The following TRIO variants were observed in gnomAD, a reference collection of about 807,000 sequenced individuals.
The protein encoded by TRIO is trio Rho guanine nucleotide exchange factor.
Under a neutral mutation model 351.9 loss-of-function variants are expected in TRIO, and 58 were observed. The ratio of observed to expected loss-of-function variants is 0.16; its 90% CI spans 0.13 to 0.21. The LOEUF (loss-of-function observed/expected upper bound fraction) is 0.21, where lower values mean the gene tolerates loss of function less well. Ranked by LOEUF, TRIO falls within the 10% of genes least tolerant of loss-of-function variation. The probability of loss-of-function intolerance (pLI) is 1.00; values close to 1 mark genes in which losing one functional copy is unlikely to be tolerated. For missense variants in TRIO, 3,201 were observed against 4,027.8 expected (o/e 0.79, Z 5.56); for synonymous variants, 1,758 against 1,595.7 (o/e 1.10, Z -2.42).
intron 10 of TRIO, among the ~76,000 whole-genome samples, chr5:14,332,742 C>T (rs753701632): frequency 1.5e-4 from 23 of 152,174 alleles, no homozygotes; most frequent in Non-Finnish European, 3.2e-4. Context: ...GATTGCAAGA[C>T]AGTGGAAAAC....
At chr5:14,183,844 G>A in intron 1 of TRIO, 1 of 654,142 alleles carries the variant, frequency 1.5e-6, no homozygotes, top group Non-Finnish European at 2.8e-6. Flanking sequence ...GGATCCTGAG[G>A]GACACTGCCA....
intron 7 of TRIO, among the ~76,000 whole-genome samples, chr5:14,301,906 G>A (rs1252017944): frequency 6.6e-6 from 1 of 152,108 alleles, no homozygotes; most frequent in Non-Finnish European, 1.5e-5. Flanking sequence ...GAAAAATGAT[G>A]CTGTGCAAAA....
chr5:14,351,762 C>T (rs530349734), intron 11 of TRIO, among the ~76,000 whole-genome samples: 40 of 152,352 alleles, frequency 2.6e-4, no homozygotes, highest in African/African-American at 3.4e-4. Flanking sequence ...CACCTCCAGA[C>T]GGACACCGAT....
At chr5:14,182,379 T>C (rs950788114) in intron 1 of TRIO, among the ~76,000 whole-genome samples, 2 of 152,270 alleles carry the variant, frequency 1.3e-5, no homozygotes, top group Admixed American at 1.3e-4. Flanking sequence ...TAGAGATGCT[T>C]CTACCTTGGG....
chr5:14,437,087 C>T (rs1299889514), intron 34 of TRIO, among the ~76,000 whole-genome samples: 3 of 152,214 alleles, frequency 2.0e-5, no homozygotes, highest in East Asian at 1.9e-4. Context: ...TCATTTGTAA[C>T]CTCTTTCTTT....
rs555990166 is a variant in TRIO, at chr5:14,221,777, C to T, written c.158-49048C>T. On this transcript the variant is annotated intron_variant, in intron 1 of 56. Coordinates refer to ENST00000344204, the MANE Select transcript of TRIO (RefSeq NM_007118.4). ...AAGTGGTTTTTTGAGATGGAATCTACACTTGGTGAAGATGCTGTGAACTTG... is the reference window on the plus strand; with the variant it reads ...AAGTGGTTTTTTGAGATGGAATCTATACTTGGTGAAGATGCTGTGAACTTG... Among the ~76,000 whole-genome samples, 3 of 152,326 alleles carry T rather than the reference C, an allele frequency of 2.0e-5. No individual in the cohort carries two copies. The South Asian group carries it at 6.2e-4, about 32-fold the overall frequency.
In TRIO at chr5:14,455,259, A is replaced by C. The variant is rs183553259; in HGVS notation, c.5204-5760A>C. 1.9e-3 allele frequency among the ~76,000 whole-genome samples: 290 copies of C among 152,304 alleles called. 5 individuals carry two copies. Among genetic ancestry groups the C allele is most frequent in the Admixed American group, 0.016 (252 of 15,308 alleles). ...TCCTGCTGATTGGTCCATTTTGCAG[A>C]GAGCCGATTCGCCGATTTTACAGAG... On this transcript the variant is annotated intron_variant, in intron 34 of 56. Coordinates refer to ENST00000344204, the MANE Select transcript of TRIO (RefSeq NM_007118.4).
Position 14,358,170 on chromosome 5 carries a change from T to G in TRIO, c.2047-8T>G, listed in dbSNP as rs771981224. On this transcript the variant is annotated splice_region_variant and splice_polypyrimidine_tract_variant and intron_variant, in intron 11 of 56. Transcript: ENST00000344204. Reference sequence around the variant, plus strand: ...CGGCCGGCCTCACCCCCCTCTCCCCTTCCCCAGCTGTGGACGTGGCTGGAG... The same window carrying G: ...CGGCCGGCCTCACCCCCCTCTCCCCGTCCCCAGCTGTGGACGTGGCTGGAG... 1 of 1,608,998 alleles carries G rather than the reference T, an allele frequency of 6.2e-7. No individual in the cohort carries two copies. Among genetic ancestry groups the G allele is most frequent in the South Asian group, 1.1e-5 (1 of 90,840 alleles).
intron 13 of TRIO, among the ~76,000 whole-genome samples, chr5:14,360,484 G>T (rs1744049519): frequency 6.6e-6 from 1 of 152,190 alleles, no homozygotes; most frequent in Non-Finnish European, 1.5e-5. Flanking sequence ...ACATACCTCT[G>T]GGCTGCCCTG....
chr5:14,430,053 C>T (rs1463052002), intron 34 of TRIO, among the ~76,000 whole-genome samples: 3 of 151,826 alleles, frequency 2.0e-5, no homozygotes, highest in African/African-American at 7.3e-5. Context: ...CGGGAGATAC[C>T]CTCACATGTG....
chr5:14,472,542 A>T lies in TRIO; in HGVS notation c.5913-50A>T, dbSNP rs192595480. 4.4e-6 allele frequency: 7 copies of T among 1,605,540 alleles called. No individual in the cohort carries two copies. In the African/African-American group the frequency reaches 9.3e-5, roughly 21 times the overall value. Reference sequence around the variant, plus strand: ...TTGACCAGGAGCAAAGGTACAAAAAAATTCATTTAGAAAACAGTTTGCATG... The same window carrying T: ...TTGACCAGGAGCAAAGGTACAAAAATATTCATTTAGAAAACAGTTTGCATG... On this transcript the variant is annotated intron_variant, in intron 38 of 56. Coordinates refer to ENST00000344204, the MANE Select transcript of TRIO (RefSeq NM_007118.4).
At chr5:14,223,727 T>G (rs1327685572) in intron 1 of TRIO, among the ~76,000 whole-genome samples, 2 of 152,198 alleles carry the variant, frequency 1.3e-5, no homozygotes, top group African/African-American at 4.8e-5. Flanking sequence ...AACAGGCACT[T>G]TGTTTTTCAT....
At chr5:14,487,166 C>T (rs1755976159) in intron 47 of TRIO, among the ~76,000 whole-genome samples, 2 of 152,156 alleles carry the variant, frequency 1.3e-5, no homozygotes, top group African/African-American at 4.8e-5. Flanking sequence ...TTGCGGAAGC[C>T]AGTTGGTAGC....
intron 24 of TRIO, 152 bp downstream of exon 24, chr5:14,388,831 A>G: frequency 1.1e-6 from 1 of 889,112 alleles, no homozygotes; most frequent in Non-Finnish European, 1.7e-6. Flanking sequence ...AGCCGGTTTC[A>G]TGTTTCTGCA....
chr5:14,486,303 A>G (rs776981043), intron 47 of TRIO, among the ~76,000 whole-genome samples: 2 of 152,164 alleles, frequency 1.3e-5, no homozygotes, highest in African/African-American at 2.4e-5. Context: ...TGTCACAAGA[A>G]AGCCACCTCT....
At chr5:14,146,461 A>G (rs1787530177) in intron 1 of TRIO, among the ~76,000 whole-genome samples, 1 of 152,044 alleles carries the variant, frequency 6.6e-6, no homozygotes, top group Non-Finnish European at 1.5e-5. Flanking sequence ...TCTTTTTTTT[A>G]AATTCGTTCT....
intron 18 of TRIO, among the ~76,000 whole-genome samples, chr5:14,371,047 T>C (rs2152345633): frequency 6.6e-6 from 1 of 152,360 alleles, no homozygotes; most frequent in East Asian, 1.9e-4. Context: ...ACCATTGATT[T>C]TCACTTTCAG....
chr5:14,255,251 C>T (rs562281202), intron 1 of TRIO, among the ~76,000 whole-genome samples: 18 of 152,228 alleles, frequency 1.2e-4, no homozygotes, highest in Admixed American at 4.6e-4. Context: ...TGGGAAAGTG[C>T]GTAAACGGTA....
chr5:14,272,216 A>C (rs2152270589), intron 2 of TRIO, among the ~76,000 whole-genome samples: 1 of 152,368 alleles, frequency 6.6e-6, no homozygotes, highest in East Asian at 1.9e-4. Flanking sequence ...ACTTATAAAA[A>C]TTAGAGGTAT....
Sources: allele counts gnomAD v4.1 joint callset (sites outside exome capture counted in the v4.1 genomes callset), GRCh38; gene constraint gnomAD v4.1.1; transcripts MANE v1.5; gene names NCBI Gene and HGNC (gene_info 2026-07-23, HGNC 2026-07-21).